Variants in IL1RAPL2 observed in about 807,000 individuals in gnomAD.
IL1RAPL2 encodes interleukin 1 receptor accessory protein like 2.
In IL1RAPL2, 3 loss-of-function variants were observed where a neutral mutation model predicts 44.1. That is an observed-to-expected ratio of 0.07 (90% CI 0.03 to 0.18). The LOEUF (loss-of-function observed/expected upper bound fraction) is 0.18, where lower values mean the gene tolerates loss of function less well. Among genes scored for constraint, IL1RAPL2 ranks in the 10% least tolerant of loss-of-function variants. The pLI is 1.00. For missense variants in IL1RAPL2, 391 were observed against 496.4 expected (o/e 0.79, Z 2.02); for synonymous variants, 181 against 178.8 (o/e 1.01, Z -0.10).
chrX:105,024,836 T>C (rs141283385), intron 2 of IL1RAPL2, among the ~76,000 whole-genome samples: 2,861 of 111,479 alleles, frequency 0.026, 83 homozygotes, highest in African/African-American at 0.088. Context: ...TCATTAGTTG[T>C]TATCTTTCTG....
intron 3 of IL1RAPL2, chrX:105,218,976 T>C: frequency 3.3e-6 from 4 of 1,208,940 alleles, no homozygotes; most frequent in South Asian, 3.5e-5. Context: ...AATGAGGTTT[T>C]TGCAGCCAGA....
chrX:104,875,128 C>T (rs750623363), intron 2 of IL1RAPL2, among the ~76,000 whole-genome samples: 41 of 111,628 alleles, frequency 3.7e-4, no homozygotes, highest in Admixed American at 4.8e-4. Flanking sequence ...CCATGTTTAC[C>T]AATTCTCAGC....
At chrX:105,006,397 T>A (rs745735118) in intron 2 of IL1RAPL2, among the ~76,000 whole-genome samples, 21 of 110,551 alleles carry the variant, frequency 1.9e-4, no homozygotes, top group Non-Finnish European at 3.6e-4. Context: ...AATGTAAATA[T>A]TAGTATATAG....
At chrX:105,072,720 A>G (rs1455895568) in intron 2 of IL1RAPL2, among the ~76,000 whole-genome samples, 1 of 110,913 alleles carries the variant, frequency 9.0e-6, no homozygotes, top group Non-Finnish European at 1.9e-5. Context: ...TACACGTGGC[A>G]TGGTGCTTTG....
At chrX:104,657,368 G>C (rs1930289006) in intron 1 of IL1RAPL2, among the ~76,000 whole-genome samples, 2 of 106,103 alleles carry the variant, frequency 1.9e-5, no homozygotes, top group African/African-American at 7.8e-5. Context: ...AACAAGAAAT[G>C]GGGAAAGGAT....
chrX:105,046,819 A>AC (rs1343286738), intron 2 of IL1RAPL2, among the ~76,000 whole-genome samples: 1 of 27,101 alleles, frequency 3.7e-5, no homozygotes, highest in Non-Finnish European at 6.5e-5. Context: ...ATAAGCACTA[A>AC]CCTTTTTTTT....
At chrX:104,989,925 C>T (rs2030631553) in intron 2 of IL1RAPL2, among the ~76,000 whole-genome samples, 1 of 111,626 alleles carries the variant, frequency 9.0e-6, no homozygotes, top group African/African-American at 3.3e-5. Context: ...CTTGTTTCTT[C>T]CTCCTGCCTT....
At chrX:105,650,646 C>T (rs1352069286) in intron 6 of IL1RAPL2, among the ~76,000 whole-genome samples, 1 of 111,943 alleles carries the variant, frequency 8.9e-6, no homozygotes, top group African/African-American at 3.2e-5. Flanking sequence ...GTCTTTGTCC[C>T]TTACATTTTG....
chrX:105,656,548 A>G (rs1203405000), intron 6 of IL1RAPL2, among the ~76,000 whole-genome samples: 1 of 111,848 alleles, frequency 8.9e-6, no homozygotes, highest in Non-Finnish European at 1.9e-5. Flanking sequence ...ATATCCCTCC[A>G]AAGAATGTAT....
At chrX:104,785,649 T>C (rs1000206908) in intron 2 of IL1RAPL2, among the ~76,000 whole-genome samples, 9 of 111,808 alleles carry the variant, frequency 8.0e-5, no homozygotes, top group African/African-American at 2.6e-4. Context: ...GCTAGCATTT[T>C]AAATGCCATT....
At chrX:105,679,235 A>G (rs1209536103) in intron 6 of IL1RAPL2, among the ~76,000 whole-genome samples, 3 of 111,689 alleles carry the variant, frequency 2.7e-5, no homozygotes, top group Non-Finnish European at 5.6e-5. Context: ...TCTTTTGTAA[A>G]TACTTTTTGT....
intron 2 of IL1RAPL2, among the ~76,000 whole-genome samples, chrX:104,889,682 A>T (rs1923360934): frequency 8.9e-6 from 1 of 111,802 alleles, no homozygotes; most frequent in South Asian, 3.8e-4. Context: ...GGCTACTGCT[A>T]CAGGAACCGG....
chrX:105,205,854 G>A (rs2033759296), intron 3 of IL1RAPL2, among the ~76,000 whole-genome samples: 1 of 110,169 alleles, frequency 9.1e-6, no homozygotes. Flanking sequence ...TACTTTGGTT[G>A]CCTGGCGAGA....
intron 6 of IL1RAPL2, among the ~76,000 whole-genome samples, chrX:105,664,715 T>C (rs2037745126): frequency 9.0e-6 from 1 of 111,664 alleles, no homozygotes; most frequent in African/African-American, 3.3e-5. Flanking sequence ...CATAACAACC[T>C]TTAAGGCTGA....
At chrX:104,637,125 C>A (rs992597833) in intron 1 of IL1RAPL2, among the ~76,000 whole-genome samples, 1 of 107,739 alleles carries the variant, frequency 9.3e-6, no homozygotes, top group African/African-American at 3.4e-5. Flanking sequence ...TCTTTCTTGG[C>A]TGGATCATGA....
rs979157393 is a variant in IL1RAPL2, at chrX:105,052,147, T to C, written c.83-143328T>C. 8.0e-5 allele frequency among the ~76,000 whole-genome samples: 9 copies of C among 112,354 alleles called. No individual in the cohort carries two copies. In the East Asian group the frequency reaches 2.5e-3, roughly 32 times the overall value. ...GCTGGTATGGGCTAGCTCTTTGATC[T>C]TGCAGCTCTTCCATGCTTAGCCTAT... is the stretch of plus-strand genomic sequence containing the variant. On this transcript the variant is annotated intron_variant, in intron 2 of 10. Transcript: ENST00000372582.
chrX:104,986,675 T>C (rs2030566216), intron 2 of IL1RAPL2, among the ~76,000 whole-genome samples: 1 of 112,435 alleles, frequency 8.9e-6, no homozygotes, highest in Non-Finnish European at 1.9e-5. Context: ...TAATCACTGC[T>C]AAGTAATATA....
intron 10 of IL1RAPL2, among the ~76,000 whole-genome samples, chrX:105,761,394 TA>T (rs1259572272): frequency 2.5e-4 from 28 of 110,589 alleles, no homozygotes; most frequent in Admixed American, 1.5e-3. Flanking sequence ...TGTGTGTAAC[TA>T]TGCCAGTAGG....
chrX:105,675,194 T>C (rs1569464341), intron 6 of IL1RAPL2, among the ~76,000 whole-genome samples: 1 of 111,547 alleles, frequency 9.0e-6, no homozygotes, highest in African/African-American at 3.3e-5. Flanking sequence ...CTTACAATAC[T>C]ATGTTGAATA....
Sources: gnomAD v4.1 joint callset for allele counts (sites outside exome capture counted in the v4.1 genomes callset) on GRCh38, gnomAD v4.1.1 for gene constraint, MANE v1.5 for transcripts, NCBI Gene and HGNC (gene_info 2026-07-23, HGNC 2026-07-21) for gene names.